GPC5: variants seen among roughly 807,000 people sequenced by gnomAD.
The protein encoded by GPC5 is glypican-5.
GPC5 carries 47 observed loss-of-function variants against 53.9 expected under a neutral mutation model. The observed-to-expected ratio is 0.87, with a 90% CI of 0.69 to 1.11. GPC5 has a LOEUF of 1.11. Among genes scored for constraint, GPC5 ranks in the 50% most tolerant of loss-of-function variants. The pLI, the probability that GPC5 is intolerant of heterozygous loss-of-function variation, is 0.00. For synonymous variants in GPC5, 286 were observed against 263.3 expected (o/e 1.09, Z -0.84); for missense variants, 748 against 713.1 (o/e 1.05, Z -0.56).
intron 1 of GPC5, among the ~76,000 whole-genome samples, chr13:91,421,856 G>A (rs921871334): frequency 1.3e-5 from 2 of 152,190 alleles, no homozygotes; most frequent in Non-Finnish European, 2.9e-5. Context: ...CCATATATTG[G>A]AATTTACAAA....
intron 7 of GPC5, among the ~76,000 whole-genome samples, chr13:92,207,315 C>G (rs1482130823): frequency 6.6e-6 from 1 of 152,234 alleles, no homozygotes; most frequent in African/African-American, 2.4e-5. Context: ...GCCAAGCCCA[C>G]TAACCCCTGA....
At chr13:92,010,481 A>C (rs2040650873) in intron 6 of GPC5, among the ~76,000 whole-genome samples, 1 of 152,232 alleles carries the variant, frequency 6.6e-6, no homozygotes, top group Non-Finnish European at 1.5e-5. Flanking sequence ...GCAACTGCAC[A>C]CATGTTATGG....
chr13:92,613,464 GTATT>G (rs1221187998), intron 7 of GPC5, among the ~76,000 whole-genome samples: 3 of 85,746 alleles, frequency 3.5e-5, no homozygotes, highest in East Asian at 3.1e-4. Flanking sequence ...ATATAAATAT[GTATT>G]ATATAATTTA....
Position 92,502,366 on chromosome 13 carries a change from A to G in GPC5, c.1561+357377A>G, listed in dbSNP as rs1880217482. Among the ~76,000 whole-genome samples, 3 of 152,062 alleles carry G rather than the reference A, an allele frequency of 2.0e-5. No individual in the cohort carries two copies. In the South Asian group the frequency reaches 6.2e-4, roughly 31 times the overall value. On this transcript the variant is annotated intron_variant, in intron 7 of 7. Coordinates refer to ENST00000377067, the MANE Select transcript of GPC5 (RefSeq NM_004466.6). ...ATAATAAAATGGTAGACCTAAATCT[A>G]AGCATATCAATAAATACTAAATGCA...
At chr13:91,934,424 T>G (rs2139036182) in intron 6 of GPC5, among the ~76,000 whole-genome samples, 1 of 152,010 alleles carries the variant, frequency 6.6e-6, no homozygotes, top group African/African-American at 2.4e-5. Context: ...AATTATTATT[T>G]TGAGAGTAAT....
chr13:91,463,071 G>T (rs971400409), intron 2 of GPC5, among the ~76,000 whole-genome samples: 3 of 151,966 alleles, frequency 2.0e-5, no homozygotes, highest in Non-Finnish European at 2.9e-5. Context: ...GCAGTGGGGG[G>T]ATTTGTTCCA....
At position 92,096,621 on chromosome 13, in the gene GPC5, A is replaced by T. The variant is rs143567352; in HGVS notation, c.1402-48209A>T. Among the ~76,000 whole-genome samples, 194 of 152,358 alleles carry T rather than the reference A, an allele frequency of 1.3e-3. 2 individuals are homozygous for T. The South Asian group carries it at 0.013, about 10-fold the overall frequency. On this transcript the variant is annotated intron_variant, in intron 6 of 7. Transcript: ENST00000377067. ...CATGAATGGATCAGAAGCTTATAAA[A>T]GGGCTAATGGAAATAGCTTAGACCC...
chr13:91,599,272 C>A (rs1427199760), intron 2 of GPC5, among the ~76,000 whole-genome samples: 1 of 152,120 alleles, frequency 6.6e-6, no homozygotes, highest in African/African-American at 2.4e-5. Context: ...GTCTTTCCCT[C>A]ATCTTGTTGC....
intron 6 of GPC5, among the ~76,000 whole-genome samples, chr13:92,070,046 G>A (rs2041198431): frequency 6.6e-6 from 1 of 152,140 alleles, no homozygotes; most frequent in Non-Finnish European, 1.5e-5. Flanking sequence ...CTGAGACCAT[G>A]CTCCAGTTGA....
At chr13:92,185,407 G>A (rs1185324457) in intron 7 of GPC5, among the ~76,000 whole-genome samples, 1 of 152,100 alleles carries the variant, frequency 6.6e-6, no homozygotes, top group South Asian at 2.1e-4. Context: ...CTAAGATGTA[G>A]TTTCTTGAGT....
chr13:91,609,566 G>T (rs945212740), intron 2 of GPC5, among the ~76,000 whole-genome samples: 1 of 152,090 alleles, frequency 6.6e-6, no homozygotes, highest in African/African-American at 2.4e-5. Flanking sequence ...CATATGAGTC[G>T]AATGAAACAG....
chr13:92,277,740 C>A (rs1389447197), intron 7 of GPC5, among the ~76,000 whole-genome samples: 4 of 151,794 alleles, frequency 2.6e-5, no homozygotes, highest in Non-Finnish European at 4.4e-5. Flanking sequence ...AATGGCACTG[C>A]AGACAACTTG....
At chr13:91,834,943 A>C (rs917540956) in intron 5 of GPC5, among the ~76,000 whole-genome samples, 2 of 152,234 alleles carry the variant, frequency 1.3e-5, no homozygotes, top group Admixed American at 1.3e-4. Flanking sequence ...AGAAACTTTC[A>C]TCAGAGTGAA....
intron 1 of GPC5, among the ~76,000 whole-genome samples, chr13:91,425,546 A>G (rs1878980739): frequency 6.6e-6 from 1 of 152,030 alleles, no homozygotes; most frequent in South Asian, 2.1e-4. Context: ...TCTCTTTCTC[A>G]TCTGCCACCA....
chr13:92,281,470 C>A (rs12866518), intron 7 of GPC5, among the ~76,000 whole-genome samples: 13,026 of 152,234 alleles, frequency 0.086, 620 homozygotes, highest in Middle Eastern at 0.12. Flanking sequence ...CCCTGACCAC[C>A]GAGTAGCCTA....
rs114444354 is a variant in GPC5 at position 92,362,050 on chromosome 13, G to T, written c.1561+217061G>T. On this transcript the variant is annotated intron_variant, in intron 7 of 7. Coordinates refer to ENST00000377067, the MANE Select transcript of GPC5 (RefSeq NM_004466.6). Reference sequence around the variant, plus strand: ...ACCATGATACTAGGATCAAAAATAAGAATAACTATTATTACTACTATTAAC... The same window carrying T: ...ACCATGATACTAGGATCAAAAATAATAATAACTATTATTACTACTATTAAC... Among the ~76,000 whole-genome samples the T allele has an allele frequency of 5.4e-3, 826 of 151,726 alleles. 43 individuals are homozygous for T. The highest frequency in any genetic ancestry group is 0.019 in the African/African-American group (792 of 41,054).
chr13:91,470,448 T>A (rs894554884), intron 2 of GPC5, among the ~76,000 whole-genome samples: 1 of 152,128 alleles, frequency 6.6e-6, no homozygotes, highest in Non-Finnish European at 1.5e-5. Flanking sequence ...AAATTGGAAG[T>A]GGGAAGCGAG....
At chr13:92,464,970 A>C (rs1256706453) in intron 7 of GPC5, among the ~76,000 whole-genome samples, 1 of 151,970 alleles carries the variant, frequency 6.6e-6, no homozygotes, top group African/African-American at 2.4e-5. Flanking sequence ...ACATAATGAA[A>C]GAAGAAGAAA....
At chr13:92,847,989 G>T (rs530399651) in intron 7 of GPC5, among the ~76,000 whole-genome samples, 1 of 152,248 alleles carries the variant, frequency 6.6e-6, no homozygotes, top group African/African-American at 2.4e-5. Flanking sequence ...TTTTAGTGGT[G>T]AAGGTAGTTT....
Sources: gnomAD v4.1 joint callset for allele counts (sites outside exome capture counted in the v4.1 genomes callset) on GRCh38, gnomAD v4.1.1 for gene constraint, MANE v1.5 for transcripts, NCBI Gene and HGNC (gene_info 2026-07-23, HGNC 2026-07-21) for gene names.